Variants in PRKCZ observed in about 807,000 individuals in gnomAD.
The protein encoded by PRKCZ is protein kinase C zeta type.
Under a neutral mutation model 79.5 loss-of-function variants are expected in PRKCZ, and 33 were observed. The ratio of observed to expected loss-of-function variants is 0.41; its 90% confidence interval spans 0.31 to 0.55. The LOEUF (loss-of-function observed/expected upper bound fraction) is 0.55. Among genes scored for constraint, PRKCZ ranks in the 20% least tolerant of loss-of-function variants. The probability of loss-of-function intolerance (pLI) is 0.19; values close to 1 mark genes in which losing one functional copy is unlikely to be tolerated. For synonymous variants in PRKCZ, 342 were observed against 320.9 expected, an observed-to-expected ratio of 1.07 and a Z score of -0.70; for missense variants, 578 against 813.5, an observed-to-expected ratio of 0.71 and a Z score of 3.52.
chr1:2,157,703 G>A (rs1571891525), intron 10 of PRKCZ, among the ~76,000 whole-genome samples: 3 of 146,694 alleles, frequency 2.0e-5, no homozygotes, highest in Non-Finnish European at 4.5e-5. Flanking sequence ...ACTGAGCCCC[G>A]CCTCCAGAGT....
Position 2,135,362 on chromosome 1 carries a change from T to C in PRKCZ, c.420+15T>C. 6.3e-7 allele frequency: 1 copy of C among 1,596,318 alleles called. No homozygotes were observed. The highest frequency in any genetic ancestry group is 8.6e-7 in the Non-Finnish European group (1 of 1,166,472). ...GCTTTAACAGGGTGAGTGGCCCCCT[T>C]GGGACTAGTCCCTCAAGGGGCCTTT... On this transcript the variant is annotated intron_variant, in intron 5 of 17. Transcript: ENST00000378567.
At chr1:2,064,167 T>G (rs537910196) in intron 4 of PRKCZ, among the ~76,000 whole-genome samples, 3 of 152,360 alleles carry the variant, frequency 2.0e-5, no homozygotes, top group South Asian at 2.1e-4. Context: ...TTTCTGTGTC[T>G]TCTTTGGTGA....
intron 4 of PRKCZ, among the ~76,000 whole-genome samples, chr1:2,078,748 C>T (rs1292203537): frequency 6.6e-6 from 1 of 152,082 alleles, no homozygotes; most frequent in African/African-American, 2.4e-5. Flanking sequence ...TGCTAGGAGA[C>T]ATCTTCAGGT....
At chr1:2,110,516 C>G (rs1444957016) in intron 4 of PRKCZ, among the ~76,000 whole-genome samples, 4 of 152,210 alleles carry the variant, frequency 2.6e-5, no homozygotes, top group African/African-American at 9.7e-5. Flanking sequence ...CGGAGTCCCC[C>G]AAGTCCATTG....
At chr1:2,153,093 C>T (rs1680226833) in intron 9 of PRKCZ, among the ~76,000 whole-genome samples, 1 of 152,240 alleles carries the variant, frequency 6.6e-6, no homozygotes, top group South Asian at 2.1e-4. Context: ...CGTTTCACCT[C>T]CCCGCCAACA....
At chr1:2,158,010 C>T (rs1437761459) in intron 10 of PRKCZ, among the ~76,000 whole-genome samples, 2 of 152,258 alleles carry the variant, frequency 1.3e-5, no homozygotes, top group Non-Finnish European at 2.9e-5. Context: ...GCGACTTGCT[C>T]TCCTCCGCTG....
Position 2,180,662 on chromosome 1 carries a change from C to T in PRKCZ, c.1576-3921C>T, listed in dbSNP as rs1396897574. The stretch of plus-strand genomic sequence containing the variant: ...CACGGACACCCAGATGACATGGATG[C>T]ACGGACGACTCAGATCCACAGATGA... On this transcript the variant is annotated intron_variant, in intron 16 of 17. Coordinates refer to ENST00000378567, the MANE Select transcript of PRKCZ (RefSeq NM_002744.6). Among the ~76,000 whole-genome samples the T allele has an allele frequency of 2.0e-5, 3 of 152,194 alleles. No individual in the cohort carries two copies. In the East Asian group the frequency reaches 5.8e-4, roughly 29 times the overall value.
chr1:2,140,391 G>A (rs1356864267), intron 5 of PRKCZ, among the ~76,000 whole-genome samples: 3 of 152,174 alleles, frequency 2.0e-5, no homozygotes, highest in African/African-American at 4.8e-5. Flanking sequence ...GGTGGCTCAC[G>A]CATGTAATCC....
intron 3 of PRKCZ, 114 bp downstream of exon 3, chr1:2,056,687 T>A: frequency 1.1e-6 from 1 of 946,480 alleles, no homozygotes; most frequent in Non-Finnish European, 1.5e-6. Context: ...CCAGAGAATT[T>A]AGGGATGTCT....
intron 4 of PRKCZ, among the ~76,000 whole-genome samples, chr1:2,081,236 A>C (rs1368784921): frequency 6.6e-6 from 1 of 152,188 alleles, no homozygotes; most frequent in Non-Finnish European, 1.5e-5. Flanking sequence ...TGTCAATTTC[A>C]TACTTGGGTT....
intron 5 of PRKCZ, 27 bp downstream of exon 5, chr1:2,135,374 C>T: frequency 6.4e-7 from 1 of 1,557,970 alleles, no homozygotes; most frequent in East Asian, 2.3e-5. Flanking sequence ...GGACTAGTCC[C>T]TCAAGGGGCC....
In PRKCZ at chr1:2,172,668, G is replaced by A. The variant is rs916740231; in HGVS notation, c.1285+280G>A. Among the ~76,000 whole-genome samples the A allele has an allele frequency of 6.6e-6, 1 of 152,246 alleles. No individual in the cohort carries two copies. Among genetic ancestry groups the A allele is most frequent in the African/African-American group, 2.4e-5 (1 of 41,462 alleles). On this transcript the variant is annotated intron_variant, in intron 13 of 17. Transcript: ENST00000378567. This position sits in a 1 kb window ranked among gnomAD's most constrained non-coding sequence, Gnocchi z 7.8. ...GAGGGGAAAGACACAGAAAGCGGGG[G>A]TGGGACAGGGTGCAGCACCTGAGTC...
intron 10 of PRKCZ, among the ~76,000 whole-genome samples, chr1:2,160,557 T>C (rs1480865449): frequency 7.2e-5 from 11 of 152,218 alleles, no homozygotes; most frequent in Non-Finnish European, 1.3e-4. Flanking sequence ...GAAGCTGGAC[T>C]TGGCCAAGAG....
intron 4 of PRKCZ, among the ~76,000 whole-genome samples, chr1:2,119,566 T>C (rs566733051): frequency 2.8e-4 from 42 of 152,276 alleles, no homozygotes; most frequent in Non-Finnish European, 5.4e-4. Flanking sequence ...TTATCAGTCT[T>C]TGTGCTGTTA....
intron 4 of PRKCZ, among the ~76,000 whole-genome samples, chr1:2,084,500 T>G (rs1024314137): frequency 1.3e-5 from 2 of 152,172 alleles, no homozygotes; most frequent in African/African-American, 4.8e-5. Flanking sequence ...GCAGAACACA[T>G]GCGCGGCCGG....
At chr1:2,137,483 G>A (rs2459996) in intron 5 of PRKCZ, among the ~76,000 whole-genome samples, 10,541 of 152,280 alleles carry the variant, frequency 0.069, 1,102 homozygotes, top group African/African-American at 0.23. Context: ...TTACAGTGCC[G>A]CAGGGCTGCG....
Position 2,174,771 on chromosome 1 carries a change from A to T in PRKCZ, c.1423A>T (p.Ile475Phe), listed in dbSNP as rs1430123456. The T allele has an allele frequency of 6.2e-7, 1 of 1,614,164 alleles. No homozygotes were observed. ...CCTTGCAGTGATCCTGGAGAAGCCCATCCGGATCCCCCGGTTCCTGTCCGT... is the reference window on the plus strand; with the variant it reads ...CCTTGCAGTGATCCTGGAGAAGCCCTTCCGGATCCCCCGGTTCCTGTCCGT... The part of the protein sequence containing the change: ...YLFQVILEKP[I>F]RIPRFLSVKA... The change falls in exon 15 of 18, where the codon ATC (isoleucine) becomes TTC (phenylalanine). Residue 475 changes from isoleucine to phenylalanine, a missense_variant. This residue lies in a region of PRKCZ where 243 missense variants were observed against 467.0 expected (regional missense o/e 0.52). Transcript: ENST00000378567. This position sits in a 1 kb window ranked among gnomAD's most constrained non-coding sequence, Gnocchi z 6.2.
chr1:2,056,729 C>T (rs1233284412), intron 3 of PRKCZ, among the ~76,000 whole-genome samples, 156 bp downstream of exon 3: 76 of 136,780 alleles, frequency 5.6e-4, no homozygotes, highest in Non-Finnish European at 1.0e-3. Flanking sequence ...TTTTCTTTGA[C>T]TTTTTTTTTT....
intron 4 of PRKCZ, chr1:2,074,333 G>A: frequency 1.3e-6 from 2 of 1,546,656 alleles, no homozygotes; most frequent in Non-Finnish European, 1.7e-6. Context: ...TGGGGGCCGG[G>A]GGGCTTGGGG....
Sources: gnomAD v4.1 joint callset for allele counts (sites outside exome capture counted in the v4.1 genomes callset) on GRCh38, gnomAD v4.1.1 for gene constraint, gnomAD v4.1.1 regional missense constraint, Gnocchi (gnomAD v3.1) non-coding constraint, MANE v1.5 for transcripts, NCBI Gene and HGNC (gene_info 2026-07-23, HGNC 2026-07-21) for gene names.